MSI2: variants seen among roughly 807,000 people sequenced by gnomAD.
MSI2 encodes musashi RNA binding protein 2.
MSI2 carries 17 observed loss-of-function variants against 45.6 expected under a neutral mutation model. That is an observed-to-expected ratio of 0.37 (90% CI 0.26 to 0.56). The LOEUF is 0.56. Among genes scored for constraint, MSI2 ranks in the 20% least tolerant of loss-of-function variants. MSI2 has a pLI of 0.77. For synonymous variants in MSI2, 156 were observed against 158.2 expected (o/e 0.99, Z 0.11); for missense variants, 293 against 444.2 (o/e 0.66, Z 3.06).
chr17:57,663,006 G>C (rs1269505516), intron 11 of MSI2, among the ~76,000 whole-genome samples: 1 of 152,248 alleles, frequency 6.6e-6, no homozygotes, highest in African/African-American at 2.4e-5. Context: ...GAGCACGGGC[G>C]GGCTTCTCTG....
chr17:57,270,445 T>C (rs1439307219), intron 5 of MSI2, among the ~76,000 whole-genome samples: 2 of 152,200 alleles, frequency 1.3e-5, no homozygotes, highest in African/African-American at 4.8e-5. Flanking sequence ...AGAGTTGAGG[T>C]TGCCACTTTG....
At chr17:57,355,915 C>T (rs572944234) in intron 5 of MSI2, among the ~76,000 whole-genome samples, 1 of 152,356 alleles carries the variant, frequency 6.6e-6, no homozygotes, top group East Asian at 1.9e-4. Context: ...CTATGTTTCC[C>T]AGGCTAGAGT....
intron 5 of MSI2, among the ~76,000 whole-genome samples, chr17:57,367,230 G>A (rs536009198): frequency 6.6e-6 from 1 of 152,136 alleles, no homozygotes; most frequent in Admixed American, 6.5e-5. Context: ...GAGGGGAATG[G>A]CTTCACGCTT....
chr17:57,571,172 G>A (rs2087867671), intron 7 of MSI2, among the ~76,000 whole-genome samples: 1 of 152,196 alleles, frequency 6.6e-6, no homozygotes, highest in South Asian at 2.1e-4. Flanking sequence ...CTTTTGCCCA[G>A]TCCTGACATC....
At chr17:57,674,423 C>T (rs1323331073) in intron 11 of MSI2, among the ~76,000 whole-genome samples, 1 of 151,428 alleles carries the variant, frequency 6.6e-6, no homozygotes, top group African/African-American at 2.4e-5. Flanking sequence ...ATCCCCTCTG[C>T]AAAGATTTTT....
intron 6 of MSI2, among the ~76,000 whole-genome samples, chr17:57,502,771 G>A (rs961489950): frequency 6.6e-6 from 1 of 151,248 alleles, no homozygotes; most frequent in Non-Finnish European, 1.5e-5. Flanking sequence ...CATGTGTTGG[G>A]AACCGACCAC....
chr17:57,384,917 C>G (rs979991783), intron 5 of MSI2, among the ~76,000 whole-genome samples: 3 of 152,182 alleles, frequency 2.0e-5, no homozygotes, highest in African/African-American at 7.2e-5. Flanking sequence ...TCTGCATCCC[C>G]TATCTCAATT....
At chr17:57,551,003 AATTT>A (rs1434100456) in intron 7 of MSI2, among the ~76,000 whole-genome samples, 1 of 152,044 alleles carries the variant, frequency 6.6e-6, no homozygotes, top group East Asian at 1.9e-4. Context: ...ATGTAATTTG[AATTT>A]ATTTATTTTA....
chr17:57,435,409 T>C (rs1400127259), intron 6 of MSI2, among the ~76,000 whole-genome samples: 1 of 152,024 alleles, frequency 6.6e-6, no homozygotes, highest in African/African-American at 2.4e-5. Flanking sequence ...GGGAAGAAGT[T>C]TGAATTTTCT....
intron 4 of MSI2, among the ~76,000 whole-genome samples, chr17:57,259,551 C>T (rs1053867322): frequency 5.9e-5 from 9 of 152,220 alleles, no homozygotes; most frequent in African/African-American, 7.2e-5. Context: ...ATCAGGAATG[C>T]GTGCCTTCTC....
chr17:57,304,202 C>CA (rs1257107635), intron 5 of MSI2, among the ~76,000 whole-genome samples: 9 of 151,448 alleles, frequency 5.9e-5, no homozygotes, highest in Admixed American at 5.9e-4. Context: ...ACTAAAAATA[C>CA]AAAAAATAGC....
intron 10 of MSI2, chr17:57,631,964 GTTC>G: frequency 6.9e-7 from 1 of 1,448,244 alleles, no homozygotes; most frequent in African/African-American, 1.4e-5. Flanking sequence ...TTGAATGACT[GTTC>G]TTTTTCTCAT....
intron 5 of MSI2, among the ~76,000 whole-genome samples, chr17:57,390,661 T>C (rs2083773299): frequency 1.3e-5 from 2 of 152,202 alleles, no homozygotes; most frequent in African/African-American, 4.8e-5. Flanking sequence ...TGGGGTAACT[T>C]GGCTTTAGAA....
chr17:57,528,721 T>A (rs1326460436), intron 6 of MSI2, among the ~76,000 whole-genome samples: 1 of 152,172 alleles, frequency 6.6e-6, no homozygotes, highest in Admixed American at 6.5e-5. Context: ...TGTGTCCTAA[T>A]CTCTTCTGAT....
At chr17:57,387,201 G>A (rs1290801035) in intron 5 of MSI2, among the ~76,000 whole-genome samples, 1 of 152,178 alleles carries the variant, frequency 6.6e-6, no homozygotes, top group African/African-American at 2.4e-5. Context: ...GGTTGGCCTA[G>A]TGCAAGTGTT....
At chr17:57,434,545 C>T (rs1444877968) in intron 6 of MSI2, among the ~76,000 whole-genome samples, 2 of 152,146 alleles carry the variant, frequency 1.3e-5, no homozygotes, top group Non-Finnish European at 2.9e-5. Flanking sequence ...TGACCAACAT[C>T]TCCCTCCTTC....
At chr17:57,287,968 G>A (rs1022052418) in intron 5 of MSI2, among the ~76,000 whole-genome samples, 1 of 152,182 alleles carries the variant, frequency 6.6e-6, no homozygotes, top group Non-Finnish European at 1.5e-5. Context: ...AGGAGCAGGA[G>A]GAGCTCCAGG....
chr17:57,643,826 C>T (rs1910434392), intron 10 of MSI2, among the ~76,000 whole-genome samples: 1 of 152,242 alleles, frequency 6.6e-6, no homozygotes, highest in African/African-American at 2.4e-5. Context: ...TTTGTGCCAT[C>T]CCTGTGTTTT....
At position 57,582,215 on chromosome 17, in the gene MSI2, G is replaced by C. The variant is rs766492178; in HGVS notation, c.455-14653G>C. ...TGAATAAGAGGCAACTTCAGAACCA[G>C]AGTCCATGATGTACCATCTCACCTT... is the stretch of plus-strand genomic sequence containing the variant. On this transcript the variant is annotated intron_variant, in intron 7 of 13. Transcript: ENST00000284073. 3.6e-4 allele frequency among the ~76,000 whole-genome samples: 55 copies of C among 152,224 alleles called. 1 individual carries two copies. The highest frequency in any genetic ancestry group is 1.3e-4 in the Admixed American group (2 of 15,292).
Sources: allele counts gnomAD v4.1 joint callset (sites outside exome capture counted in the v4.1 genomes callset), GRCh38; gene constraint gnomAD v4.1.1; transcripts MANE v1.5; gene names NCBI Gene and HGNC (gene_info 2026-07-23, HGNC 2026-07-21).